CFTR: variants seen among roughly 807,000 people sequenced by gnomAD.
The protein encoded by CFTR is CF transmembrane conductance regulator, also known as cystic fibrosis transmembrane conductance regulator.
CFTR carries 181 observed loss-of-function variants against 171.6 expected under a neutral mutation model. That is an observed-to-expected ratio of 1.05 (90% CI 0.93 to 1.19). The LOEUF (loss-of-function observed/expected upper bound fraction) is 1.19, where lower values mean the gene tolerates loss of function less well. CFTR is among the 50% of genes most tolerant of loss of function. CFTR has a pLI of 0.00. For synonymous variants in CFTR, 583 were observed against 608.0 expected, an observed-to-expected ratio of 0.96 and a Z score of 0.60; for missense variants, 1,968 against 1,734.7, an observed-to-expected ratio of 1.13 and a Z score of -2.39.
At chr7:117,591,033 A>C (rs1340776253) in intron 13 of CFTR, among the ~76,000 whole-genome samples, 2 of 152,084 alleles carry the variant, frequency 1.3e-5, no homozygotes, top group Non-Finnish European at 2.9e-5. Context: ...AAAATGATTT[A>C]ATGGACTATC....
intron 11 of CFTR, among the ~76,000 whole-genome samples, chr7:117,580,307 A>G (rs1018375839): frequency 6.6e-6 from 1 of 152,242 alleles, no homozygotes; most frequent in African/African-American, 2.4e-5. Context: ...TTACAATTTC[A>G]TAGGTATTAA....
intron 10 of CFTR, among the ~76,000 whole-genome samples, chr7:117,549,842 G>A (rs1799238696): frequency 6.6e-6 from 1 of 152,104 alleles, no homozygotes; most frequent in Non-Finnish European, 1.5e-5. Context: ...GAAGTAGGAG[G>A]AAGGAAGGAA....
At chr7:117,656,302 G>T (rs1793182879) in intron 24 of CFTR, among the ~76,000 whole-genome samples, 2 of 152,144 alleles carry the variant, frequency 1.3e-5, no homozygotes, top group African/African-American at 4.8e-5. Flanking sequence ...GCATAAAACA[G>T]TGATGCTCAT....
At chr7:117,630,605 C>G (rs1279822779) in intron 22 of CFTR, among the ~76,000 whole-genome samples, 2 of 152,098 alleles carry the variant, frequency 1.3e-5, no homozygotes, top group Non-Finnish European at 1.5e-5. Flanking sequence ...TCCCAGGCCA[C>G]CACAAAGGAA....
At chr7:117,535,144 G>C in intron 5 of CFTR, 104 bp from the exon 6 acceptor site, 13 of 1,218,080 alleles carry the variant, frequency 1.1e-5, no homozygotes, top group Non-Finnish European at 1.3e-5. Context: ...CGAAGTGTTT[G>C]ATCATATAAG....
At chr7:117,486,879 TG>T (rs1241180517) in intron 1 of CFTR, among the ~76,000 whole-genome samples, 2 of 2,080 alleles carry the variant, frequency 9.6e-4, no homozygotes, top group Non-Finnish European at 2.0e-3. Context: ...GTGGGTGGGG[TG>T]GGGGGGAGGG....
chr7:117,615,938 A>G (rs1465855497), intron 21 of CFTR, among the ~76,000 whole-genome samples: 3 of 152,012 alleles, frequency 2.0e-5, no homozygotes, highest in East Asian at 3.9e-4. Flanking sequence ...TGACTGTGCA[A>G]CACTATTATT....
rs1792150898 is a variant in CFTR at position 117,597,509 on chromosome 7, G to GA, written c.2619+2457dup. On this transcript the variant is annotated intron_variant, in intron 15 of 26. Transcript: ENST00000003084. ...ACTATAGCAGATGAGCTAAAGAAAA[G>GA]AAAAAAGTCCATGCGTAATCTTTGT... Among the ~76,000 whole-genome samples the GA allele has an allele frequency of 3.3e-5, 5 of 152,096 alleles. No individual in the cohort carries two copies. The South Asian group carries it at 1.0e-3, about 31-fold the overall frequency.
intron 11 of CFTR, among the ~76,000 whole-genome samples, chr7:117,561,417 G>A (rs577426970): frequency 6.6e-6 from 1 of 151,688 alleles, no homozygotes; most frequent in South Asian, 2.1e-4. Flanking sequence ...CATATTTTTG[G>A]CCTCTTGAAA....
In CFTR at chr7:117,652,642, G is replaced by A. The variant is rs214164; in HGVS notation, c.3874-200G>A. Among the ~76,000 whole-genome samples the A allele has an allele frequency of 0.19, 28,410 of 151,930 alleles. 2,847 individuals carry two copies. The highest frequency in any genetic ancestry group is 0.2 in the Non-Finnish European group (13,755 of 67,962). On this transcript the variant is annotated intron_variant, in intron 23 of 26. Coordinates refer to ENST00000003084, the MANE Select transcript of CFTR (RefSeq NM_000492.4). The stretch of plus-strand genomic sequence containing the variant: ...TTCACAAGGGACTCCAAATATTGCT[G>A]TAGTATTTGTTTCTTAAAAGAATGA...
chr7:117,612,025 A>ATGTG (rs1367110526), intron 20 of CFTR, among the ~76,000 whole-genome samples: 2 of 42,616 alleles, frequency 4.7e-5, no homozygotes, highest in East Asian at 4.4e-4. Flanking sequence ...ATATATATGT[A>ATGTG]TATATATATA....
chr7:117,531,342 T>A (rs1798862774), intron 4 of CFTR, among the ~76,000 whole-genome samples: 1 of 152,120 alleles, frequency 6.6e-6, no homozygotes, highest in African/African-American at 2.4e-5. Context: ...GCCTCTGTTG[T>A]AGTTTTTTTT....
chr7:117,531,998 A>G (rs767585384), intron 4 of CFTR, among the ~76,000 whole-genome samples: 1 of 152,084 alleles, frequency 6.6e-6, no homozygotes, highest in African/African-American at 2.4e-5. Flanking sequence ...TCTAAGATAT[A>G]CCTGCAAGGT....
chr7:117,659,933 TTC>T (rs1793242337), intron 24 of CFTR, among the ~76,000 whole-genome samples: 1 of 152,198 alleles, frequency 6.6e-6, no homozygotes, highest in African/African-American at 2.4e-5. Flanking sequence ...TTTTTCATGT[TTC>T]TCTGTCACAA....
chr7:117,541,617 A>C (rs1240687341), intron 8 of CFTR, among the ~76,000 whole-genome samples: 1 of 150,684 alleles, frequency 6.6e-6, no homozygotes, highest in East Asian at 1.9e-4. Context: ...TGAGGCCCTT[A>C]ATAAGGAGCG....
intron 1 of CFTR, among the ~76,000 whole-genome samples, chr7:117,482,663 G>C (rs571788254): frequency 3.9e-5 from 6 of 152,176 alleles, no homozygotes; most frequent in Non-Finnish European, 8.8e-5. Context: ...TATACAAGTG[G>C]GATTGATTTA....
intron 21 of CFTR, among the ~76,000 whole-genome samples, chr7:117,617,581 T>A (rs1183118478): frequency 8.6e-5 from 13 of 151,828 alleles, no homozygotes; most frequent in African/African-American, 2.2e-4. Flanking sequence ...TATCTTTTTT[T>A]AAAAATCTAA....
intron 21 of CFTR, among the ~76,000 whole-genome samples, chr7:117,622,504 T>C (rs1792599360): frequency 6.6e-6 from 1 of 152,214 alleles, no homozygotes; most frequent in Non-Finnish European, 1.5e-5. Context: ...ACTGTGTGAC[T>C]TTTTTACATT....
intron 22 of CFTR, among the ~76,000 whole-genome samples, chr7:117,641,039 A>G (rs1036318262): frequency 6.6e-6 from 1 of 152,200 alleles, no homozygotes; most frequent in African/African-American, 2.4e-5. Flanking sequence ...GATTGTGATT[A>G]ATAATATGAA....
Sources: gnomAD v4.1 joint callset for allele counts (sites outside exome capture counted in the v4.1 genomes callset) on GRCh38, gnomAD v4.1.1 for gene constraint, MANE v1.5 for transcripts, NCBI Gene and HGNC (gene_info 2026-07-23, HGNC 2026-07-21) for gene names.